Variants in PCOLCE2 observed in about 807,000 individuals in gnomAD.
PCOLCE2 encodes the protein procollagen C-endopeptidase enhancer 2.
Under a neutral mutation model 47.0 loss-of-function variants are expected in PCOLCE2, and 42 were observed. The ratio of observed to expected loss-of-function variants is 0.89; its 90% confidence interval spans 0.70 to 1.16. PCOLCE2 has a LOEUF of 1.16. PCOLCE2 is among the 50% of genes most tolerant of loss of function. The pLI is 0.00. For missense variants in PCOLCE2, 500 were observed against 526.1 expected, an observed-to-expected ratio of 0.95 and a Z score of 0.49; for synonymous variants, 169 against 191.7, an observed-to-expected ratio of 0.88 and a Z score of 0.98.
intron 2 of PCOLCE2, among the ~76,000 whole-genome samples, chr3:142,882,587 A>G (rs142466897): frequency 5.1e-4 from 78 of 152,102 alleles, no homozygotes; most frequent in African/African-American, 1.8e-3. Context: ...CATTATTATT[A>G]TACTTTAGAG....
intron 6 of PCOLCE2, chr3:142,827,376 C>T (rs1211469511): frequency 2.6e-6 from 4 of 1,544,842 alleles, no homozygotes; most frequent in Middle Eastern, 2.3e-4. Context: ...ACACCAACCA[C>T]AGCTCTGTTG....
intron 2 of PCOLCE2, among the ~76,000 whole-genome samples, chr3:142,883,543 C>T (rs569677699): frequency 5.9e-5 from 9 of 151,850 alleles, no homozygotes; most frequent in South Asian, 4.2e-4. Flanking sequence ...CCTCAGCCTC[C>T]GAGTAGCTGG....
At chr3:142,832,847 A>G (rs1481007196) in intron 5 of PCOLCE2, among the ~76,000 whole-genome samples, 8 of 152,092 alleles carry the variant, frequency 5.3e-5, no homozygotes, top group Non-Finnish European at 1.0e-4. Context: ...AACAGGGAAA[A>G]GCTCCCCAAA....
Position 142,848,224 on chromosome 3 carries a change from G to A in PCOLCE2, c.441C>T (p.Asn147=), listed in dbSNP as rs753153268. The A allele has an allele frequency of 3.1e-6, 5 of 1,613,572 alleles. No individual in the cohort carries two copies. Among genetic ancestry groups the A allele is most frequent in the Admixed American group, 1.7e-5 (1 of 59,988 alleles). ...ATTATGTGGAAACAGTACCTCTTTC[G>A]TTTGGTTCAGCAGCGGAGAACATGG... ...FMAMFSAAEP[N]ERGDQYCGGL... Residue 147 remains asparagine, a synonymous_variant, in exon 3 of 9, where the codon AAC becomes AAT. Coordinates refer to ENST00000295992, the MANE Select transcript of PCOLCE2 (RefSeq NM_013363.4).
chr3:142,862,018 C>G (rs1196809130), intron 2 of PCOLCE2, among the ~76,000 whole-genome samples: 1 of 152,080 alleles, frequency 6.6e-6, no homozygotes, highest in Non-Finnish European at 1.5e-5. Flanking sequence ...CTGTAATTAC[C>G]CTGTTTTCAG....
Position 142,856,203 on chromosome 3 carries a change from T to G in PCOLCE2, c.193-7731A>C, listed in dbSNP as rs147269816. Among the ~76,000 whole-genome samples, 335 of 152,270 alleles carry G rather than the reference T, an allele frequency of 2.2e-3. 1 individual carries two copies. Among genetic ancestry groups the G allele is most frequent in the African/African-American group, 6.6e-3 (276 of 41,562 alleles). On this transcript the variant is annotated intron_variant, in intron 2 of 8. Coordinates refer to ENST00000295992, the MANE Select transcript of PCOLCE2 (RefSeq NM_013363.4). ...GAATTCAGGTCAAAGCACCTCACTT[T>G]CGAGTAGACGTAGATGATTTGGAGC...
rs1487104542 is a variant in PCOLCE2, at chr3:142,842,124, C to T, written c.573+800G>A. Among the ~76,000 whole-genome samples, 1 of 152,184 alleles carries T rather than the reference C, an allele frequency of 6.6e-6. No individual in the cohort carries two copies. Among genetic ancestry groups the T allele is most frequent in the African/African-American group, 2.4e-5 (1 of 41,442 alleles). ...ACAACCAAAAACACCCTAAAGCAGA[C>T]CAGCTTGTTCTTTGAAGAGATAATG... On this transcript the variant is annotated intron_variant, in intron 4 of 8. Transcript: ENST00000295992. This position sits in a 1 kb window ranked among gnomAD's most constrained non-coding sequence, Gnocchi z 4.1.
Position 142,886,145 on chromosome 3 carries a change from T to C in PCOLCE2, c.192+1524A>G, listed in dbSNP as rs1000957431. Among the ~76,000 whole-genome samples the C allele has an allele frequency of 3.3e-5, 5 of 152,220 alleles. No homozygotes were observed. The East Asian group carries it at 9.7e-4, about 29-fold the overall frequency. On this transcript the variant is annotated intron_variant, in intron 2 of 8. Transcript: ENST00000295992. Reference sequence around the variant, plus strand: ...ATCCAGATGGAGCATCCATTTAACTTCCCCACTCCCACACAGGAAATCATG... The same window carrying C: ...ATCCAGATGGAGCATCCATTTAACTCCCCCACTCCCACACAGGAAATCATG...
chr3:142,857,870 CCCA>C (rs1933096177), intron 2 of PCOLCE2, among the ~76,000 whole-genome samples: 1 of 152,206 alleles, frequency 6.6e-6, no homozygotes, highest in African/African-American at 2.4e-5. Flanking sequence ...GGGTACTGGG[CCCA>C]CCCCAGGCTA....
intron 3 of PCOLCE2, 23 bp downstream of exon 3, chr3:142,848,194 T>C (rs1410028668): frequency 7.5e-6 from 12 of 1,607,726 alleles, no homozygotes; most frequent in East Asian, 2.2e-5. Flanking sequence ...ACTGTTGTTA[T>C]TGCCATTATG....
In PCOLCE2 at chr3:142,823,322, T is replaced by G. The variant is rs573360112; in HGVS notation, c.949+210A>C. The stretch of plus-strand genomic sequence containing the variant: ...GTACCAAGAGTCAAATTATTAAGCT[T>G]ATATGAAAAAAGTATATTTTCTAAA... On this transcript the variant is annotated intron_variant, in intron 7 of 8. Coordinates refer to ENST00000295992, the MANE Select transcript of PCOLCE2 (RefSeq NM_013363.4). Among the ~76,000 whole-genome samples, 9 of 152,280 alleles carry G rather than the reference T, an allele frequency of 5.9e-5. No homozygotes were observed. The South Asian group carries it at 1.9e-3, about 32-fold the overall frequency.
chr3:142,868,275 T>C (rs548123015), intron 2 of PCOLCE2, among the ~76,000 whole-genome samples: 13 of 152,252 alleles, frequency 8.5e-5, no homozygotes, highest in African/African-American at 2.2e-4. Context: ...ACACAGTCCA[T>C]TGTAAACCAA....
chr3:142,822,529 G>A (rs1011839433), intron 7 of PCOLCE2, among the ~76,000 whole-genome samples: 11 of 152,102 alleles, frequency 7.2e-5, no homozygotes, highest in African/African-American at 1.2e-4. Context: ...TTGATCCTGC[G>A]TGATAAGTGT....
intron 5 of PCOLCE2, among the ~76,000 whole-genome samples, chr3:142,838,325 T>C (rs1431681285): frequency 6.6e-6 from 1 of 152,058 alleles, no homozygotes; most frequent in Admixed American, 6.6e-5. Flanking sequence ...AGGAGAAGCG[T>C]GGTGGGAGAT....
chr3:142,821,027 A>G lies in PCOLCE2; in HGVS notation c.968T>C (p.Ile323Thr), dbSNP rs1166798111. 1 of 1,610,924 alleles carries G rather than the reference A, an allele frequency of 6.2e-7. No individual in the cohort carries two copies. Among genetic ancestry groups the G allele is most frequent in the Non-Finnish European group, 8.5e-7 (1 of 1,177,240 alleles). ...SSDFVLAGTVITTITRDGSLH... is the reference protein window; with the variant it reads ...SSDFVLAGTVTTTITRDGSLH... ...ACTCCCATCGCGAGTGATGGTTGTG[A>G]TAACAGTGCCGGCTAATACTGCAGA... The change falls in exon 8 of 9, where the codon ATC becomes ACC. Residue 323 changes from isoleucine to threonine, a missense_variant. By Grantham distance (89) the Ile-to-Thr change is moderately conservative. Transcript: ENST00000295992.
intron 2 of PCOLCE2, among the ~76,000 whole-genome samples, chr3:142,859,112 G>A (rs1036016153): frequency 1.8e-4 from 28 of 151,406 alleles, no homozygotes; most frequent in African/African-American, 6.6e-4. Context: ...GCCCAGGCTA[G>A]AGTGCAGTGG....
chr3:142,874,018 G>A (rs1033872795), intron 2 of PCOLCE2, among the ~76,000 whole-genome samples: 7 of 152,126 alleles, frequency 4.6e-5, no homozygotes, highest in South Asian at 2.1e-4. Flanking sequence ...TCATGGGGGC[G>A]GTTCCCCCAT....
intron 2 of PCOLCE2, among the ~76,000 whole-genome samples, chr3:142,875,134 T>G (rs553902064): frequency 1.3e-5 from 2 of 152,234 alleles, no homozygotes; most frequent in Non-Finnish European, 2.9e-5. Flanking sequence ...ACAAGCATAT[T>G]GGGCATCTCC....
At chr3:142,876,292 C>G (rs945170714) in intron 2 of PCOLCE2, among the ~76,000 whole-genome samples, 3 of 152,144 alleles carry the variant, frequency 2.0e-5, no homozygotes, top group African/African-American at 7.2e-5. Context: ...TGAGTATTTA[C>G]CATTTGCTAG....
Sources: gnomAD v4.1 joint callset for allele counts (sites outside exome capture counted in the v4.1 genomes callset) on GRCh38, gnomAD v4.1.1 for gene constraint, Gnocchi (gnomAD v3.1) non-coding constraint, MANE v1.5 for transcripts, NCBI Gene and HGNC (gene_info 2026-07-23, HGNC 2026-07-21) for gene names.